B3GALNT2: variants seen among roughly 807,000 people sequenced by gnomAD.
B3GALNT2 encodes the protein UDP-GalNAc:beta-1,3-N-acetylgalactosaminyltransferase 2.
Under a neutral mutation model 61.1 loss-of-function variants are expected in B3GALNT2, and 53 were observed. The ratio of observed to expected loss-of-function variants is 0.87; its 90% CI spans 0.70 to 1.09. The LOEUF (loss-of-function observed/expected upper bound fraction) is 1.09, where lower values mean the gene tolerates loss of function less well. Among genes scored for constraint, B3GALNT2 ranks in the 50% least tolerant of loss-of-function variants. B3GALNT2 has a pLI of 0.00. For synonymous variants in B3GALNT2, 223 were observed against 237.4 expected (o/e 0.94, Z 0.56); for missense variants, 544 against 623.0 (o/e 0.87, Z 1.35).
At chr1:235,485,924 G>T (rs1558434732) in intron 3 of B3GALNT2, among the ~76,000 whole-genome samples, 1 of 152,058 alleles carries the variant, frequency 6.6e-6, no homozygotes, top group Non-Finnish European at 1.5e-5. Flanking sequence ...GTGAAACTCT[G>T]TCTCTACGAT....
chr1:235,491,480 C>A (rs1400257793), intron 2 of B3GALNT2, among the ~76,000 whole-genome samples: 1 of 152,086 alleles, frequency 6.6e-6, no homozygotes, highest in African/African-American at 2.4e-5. Context: ...AGTTAGTAAA[C>A]CTTTATCAGT....
At position 235,449,249 on chromosome 1, in the gene B3GALNT2, A is replaced by T. The variant is rs1447727716; in HGVS notation, c.*957T>A. The stretch of plus-strand genomic sequence containing the variant: ...TGCTATTATCTGTCTTCTCAGTTGC[A>T]CTATTTCTAAGAGTACTTAAATTAA... On this transcript the variant is annotated 3_prime_UTR_variant, in exon 12 of 12. Coordinates refer to ENST00000366600, the MANE Select transcript of B3GALNT2 (RefSeq NM_152490.5). 1 of 177,520 alleles carries T rather than the reference A, an allele frequency of 5.6e-6. No homozygotes were observed. The highest frequency in any genetic ancestry group is 1.2e-5 in the Non-Finnish European group (1 of 82,860). 11.0% of individuals were successfully genotyped at this position (177,520 alleles called of 1,614,324 possible).
At chr1:235,474,985 A>ATTTTTT (rs1558425516) in intron 5 of B3GALNT2, among the ~76,000 whole-genome samples, 26 of 37,782 alleles carry the variant, frequency 6.9e-4, no homozygotes, top group Non-Finnish European at 1.1e-3. Flanking sequence ...ATATATATAT[A>ATTTTTT]TATTTTTTTT....
At chr1:235,470,669 G>A (rs1350792153) in intron 6 of B3GALNT2, among the ~76,000 whole-genome samples, 181 bp downstream of exon 6, 2 of 151,818 alleles carry the variant, frequency 1.3e-5, no homozygotes, top group Non-Finnish European at 2.9e-5. Context: ...TGGAGTTACA[G>A]GATCATATTT....
chr1:235,474,974 TATATA>T (rs1371543433), intron 5 of B3GALNT2, among the ~76,000 whole-genome samples: 348 of 34,770 alleles, frequency 0.01, 46 homozygotes, highest in East Asian at 0.05. Flanking sequence ...TATATATATA[TATATA>T]TATATATATT....
chr1:235,492,948 C>T (rs935110534), intron 2 of B3GALNT2, among the ~76,000 whole-genome samples: 6 of 152,126 alleles, frequency 3.9e-5, no homozygotes, highest in African/African-American at 1.4e-4. Context: ...ACAACAAAGA[C>T]TTGGAGTTTC....
At chr1:235,498,654 A>T (rs919436948) in intron 1 of B3GALNT2, among the ~76,000 whole-genome samples, 1 of 152,014 alleles carries the variant, frequency 6.6e-6, no homozygotes, top group Non-Finnish European at 1.5e-5. Flanking sequence ...CAGCCTGGCC[A>T]ATATGGTGAA....
intron 8 of B3GALNT2, 99 bp downstream of exon 8, chr1:235,458,504 T>G: frequency 6.9e-7 from 1 of 1,442,728 alleles, no homozygotes; most frequent in South Asian, 1.6e-5. Flanking sequence ...AGGAAACCCC[T>G]AGTAAGGGGT....
At chr1:235,457,896 C>G (rs1683239177) in intron 8 of B3GALNT2, among the ~76,000 whole-genome samples, 1 of 151,166 alleles carries the variant, frequency 6.6e-6, no homozygotes, top group African/African-American at 2.4e-5. Flanking sequence ...CAAAATGAAT[C>G]AACTTTTTTT....
At chr1:235,446,670 C>T (rs897375277), downstream of B3GALNT2, among the ~76,000 whole-genome samples, 13 of 149,302 alleles carry the variant, frequency 8.7e-5, no homozygotes, top group African/African-American at 2.9e-4. Flanking sequence ...CTACTTTCTT[C>T]TATAGAACCG....
intron 5 of B3GALNT2, among the ~76,000 whole-genome samples, chr1:235,477,495 T>C (rs781566950): frequency 2.0e-4 from 30 of 152,202 alleles, no homozygotes; most frequent in Admixed American, 3.9e-4. Flanking sequence ...AAAACTGCGA[T>C]TAGCTTGAAG....
intron 3 of B3GALNT2, among the ~76,000 whole-genome samples, chr1:235,488,187 A>G (rs1684893563): frequency 6.6e-6 from 1 of 152,188 alleles, no homozygotes; most frequent in Admixed American, 6.5e-5. Context: ...TTGATTCATA[A>G]TATTTGTTTC....
intron 6 of B3GALNT2, among the ~76,000 whole-genome samples, chr1:235,467,459 CTTTA>C (rs776584043): frequency 2.0e-5 from 3 of 149,908 alleles, no homozygotes; most frequent in African/African-American, 7.4e-5. Flanking sequence ...ACTGTATATG[CTTTA>C]TTTGTTATTT....
chr1:235,480,971 C>T (rs1684540026), intron 4 of B3GALNT2, among the ~76,000 whole-genome samples: 1 of 130,166 alleles, frequency 7.7e-6, no homozygotes, highest in Non-Finnish European at 1.6e-5. Flanking sequence ...CTATGTCTAT[C>T]GTTTTCTTGG....
Position 235,448,400 on chromosome 1 carries a change from T to C in B3GALNT2, c.*1806A>G. ...GGATTGCTGTCACGTCTTCTCAAAG[T>C]TCCTGTGTCAGACCTTCTGTTGTCC... On this transcript the variant is annotated 3_prime_UTR_variant, in exon 12 of 12. Transcript: ENST00000366600. The C allele has an allele frequency of 6.2e-7, 1 of 1,614,106 alleles. No individual in the cohort carries two copies. The highest frequency in any genetic ancestry group is 8.5e-7 in the Non-Finnish European group (1 of 1,180,000).
At chr1:235,499,408 T>A (rs1406835981) in intron 1 of B3GALNT2, among the ~76,000 whole-genome samples, 2 of 152,214 alleles carry the variant, frequency 1.3e-5, no homozygotes, top group African/African-American at 4.8e-5. Context: ...TACATCAAAC[T>A]GCGCCAGTTT....
intron 11 of B3GALNT2, chr1:235,451,019 T>C (rs1682865114): frequency 6.6e-6 from 1 of 152,168 alleles, no homozygotes; most frequent in African/African-American, 2.4e-5. Context: ...TTATAAAGCA[T>C]GGCTCAACTC....
At chr1:235,503,870 A>G (rs704719) in intron 1 of B3GALNT2, among the ~76,000 whole-genome samples, 111,992 of 152,116 alleles carry the variant, frequency 0.74, 42,293 homozygotes, top group African/African-American at 0.91. Flanking sequence ...GCCTGGGGAC[A>G]GGCGAAGGAC....
intron 6 of B3GALNT2, among the ~76,000 whole-genome samples, chr1:235,470,208 A>AT (rs1310134904): frequency 2.0e-5 from 3 of 152,104 alleles, no homozygotes; most frequent in African/African-American, 7.2e-5. Flanking sequence ...TAATTATAGT[A>AT]TTTTAACTGA....
Sources: gnomAD v4.1 joint callset for allele counts (sites outside exome capture counted in the v4.1 genomes callset) on GRCh38, gnomAD v4.1.1 for gene constraint, MANE v1.5 for transcripts, NCBI Gene and HGNC (gene_info 2026-07-23, HGNC 2026-07-21) for gene names.